TRAF6: variants seen among roughly 807,000 people sequenced by gnomAD.
TRAF6 encodes TNF receptor-associated factor 6.
TRAF6 carries 10 observed loss-of-function variants against 48.4 expected under a neutral mutation model. The observed-to-expected ratio is 0.21, with a 90% CI of 0.13 to 0.35. The LOEUF (loss-of-function observed/expected upper bound fraction) is 0.35. Ranked by LOEUF, TRAF6 falls within the 10% of genes least tolerant of loss-of-function variation. The pLI, the probability that TRAF6 is intolerant of heterozygous loss-of-function variation, is 1.00. For synonymous variants in TRAF6, 186 were observed against 219.6 expected (o/e 0.85, Z 1.35); for missense variants, 397 against 661.0 (o/e 0.60, Z 4.38).
chr11:36,486,214 A>G lies in TRAF6; in HGVS notation c.*3624T>C, dbSNP rs555590814. The stretch of plus-strand genomic sequence containing the variant: ...ATCATGACACCTGGCTAATTTTTGT[A>G]TTTTTATAGAGATGGGGTTTCACCA... On this transcript the variant is annotated 3_prime_UTR_variant, in exon 7 of 7. Transcript: ENST00000526995. 6.6e-6 allele frequency among the ~76,000 whole-genome samples: 1 copy of G among 152,114 alleles called. No homozygotes were observed. The highest frequency in any genetic ancestry group is 1.9e-4 in the East Asian group (1 of 5,172).
At chr11:36,496,930 T>G (rs1355252542) in intron 4 of TRAF6, among the ~76,000 whole-genome samples, 178 bp downstream of exon 4, 1 of 152,246 alleles carries the variant, frequency 6.6e-6, no homozygotes, top group Admixed American at 6.5e-5. Flanking sequence ...AATTCTACAC[T>G]TATGTACTAA....
chr11:36,489,721 A>G lies in TRAF6; in HGVS notation c.*117T>C. On this transcript the variant is annotated 3_prime_UTR_variant, in exon 7 of 7. Transcript: ENST00000526995. ...AATAGTAAGTGACCTCTCTAACAAC[A>G]CTCACTAGTAGATATTACATATTTC... 9.0e-7 allele frequency: 1 copy of G among 1,110,898 alleles called. No individual in the cohort carries two copies. The highest frequency in any genetic ancestry group is 1.3e-6 in the Non-Finnish European group (1 of 765,984). 68.8% of individuals were successfully genotyped at this position (1,110,898 alleles called of 1,614,324 possible).
At position 36,489,163 on chromosome 11, in the gene TRAF6, AG is replaced by A. The variant is rs1859528086; in HGVS notation, c.*674del. The A allele has an allele frequency of 6.6e-6, 1 of 152,554 alleles. No homozygotes were observed. Among genetic ancestry groups the A allele is most frequent in the East Asian group, 1.9e-4 (1 of 5,200 alleles). 9.5% of individuals were successfully genotyped at this position (152,554 alleles called of 1,614,324 possible). ...GTAACCTCAAGGAAATAAGTAAGCA[AG>A]GCAGAAGGAACACTTAAACAAGTAT... On this transcript the variant is annotated 3_prime_UTR_variant, in exon 7 of 7. Coordinates refer to ENST00000526995, the MANE Select transcript of TRAF6 (RefSeq NM_004620.4).
At chr11:36,497,628 A>G (rs1009371268) in intron 3 of TRAF6, among the ~76,000 whole-genome samples, 1 of 152,188 alleles carries the variant, frequency 6.6e-6, no homozygotes, top group African/African-American at 2.4e-5. Flanking sequence ...AATTTCAAAT[A>G]TAACACTAAA....
intron 1 of TRAF6, among the ~76,000 whole-genome samples, chr11:36,506,761 A>C (rs1310117356): frequency 6.6e-6 from 1 of 152,130 alleles, no homozygotes; most frequent in Non-Finnish European, 1.5e-5. Flanking sequence ...TTCAAAATCT[A>C]TTTGCCTTCA....
chr11:36,508,027 TG>T (rs1404686575), intron 1 of TRAF6, among the ~76,000 whole-genome samples: 2 of 151,580 alleles, frequency 1.3e-5, no homozygotes, highest in Non-Finnish European at 2.9e-5. Context: ...GGTTAATTTT[TG>T]TATTTTTTTG....
At chr11:36,491,594 C>T (rs546194720) in intron 6 of TRAF6, among the ~76,000 whole-genome samples, 8 of 152,308 alleles carry the variant, frequency 5.3e-5, no homozygotes, top group African/African-American at 1.9e-4. Context: ...AAACAATGAT[C>T]AATCTCAGAC....
Position 36,490,699 on chromosome 11 carries a change from T to C in TRAF6, c.757-49A>G. Reference sequence around the variant, plus strand: ...GGCTGGGAATAGATACCGTGAGGAGTAGGAAAAGGACCTGGCCAGGTCAAA... The same window carrying C: ...GGCTGGGAATAGATACCGTGAGGAGCAGGAAAAGGACCTGGCCAGGTCAAA... On this transcript the variant is annotated intron_variant, in intron 6 of 6. Transcript: ENST00000526995. The surrounding 1 kb of genome is among the most constrained non-coding windows in gnomAD (Gnocchi z 6.4). 2 of 1,527,160 alleles carry C rather than the reference T, an allele frequency of 1.3e-6. No homozygotes were observed. The highest frequency in any genetic ancestry group is 1.8e-6 in the Non-Finnish European group (2 of 1,129,074). The allele number at this position is 1,527,160 out of a possible 1,614,324, so 94.6% of individuals were successfully genotyped here. A position where few individuals can be genotyped will look rare whatever the true frequency, so the allele number is the denominator to read the frequency against.
At position 36,489,750 on chromosome 11, in the gene TRAF6, T is replaced by A; in HGVS notation, c.*88A>T. ...ACTAGTAGATATTACATATTTCCCG[T>A]GGCTTGTTTGTTTGCATGTTATTGA... is the stretch of plus-strand genomic sequence containing the variant. On this transcript the variant is annotated 3_prime_UTR_variant, in exon 7 of 7. Transcript: ENST00000526995. 7.5e-7 allele frequency: 1 copy of A among 1,328,686 alleles called. No homozygotes were observed. Among genetic ancestry groups the A allele is most frequent in the Middle Eastern group, 1.9e-4 (1 of 5,234 alleles). The allele number at this position is 1,328,686 out of a possible 1,614,324, so 82.3% of individuals were successfully genotyped here. A position where few individuals can be genotyped will look rare whatever the true frequency, so the allele number is the denominator to read the frequency against.
rs1859653678 is a variant in TRAF6 at position 36,497,319 on chromosome 11, A to G, written c.448-53T>C. The G allele has an allele frequency of 1.8e-5, 28 of 1,529,762 alleles. No individual in the cohort carries two copies. The South Asian group carries it at 2.2e-4, about 12-fold the overall frequency. 94.8% of individuals were successfully genotyped at this position (1,529,762 alleles called of 1,614,324 possible). A position where few individuals can be genotyped will look rare whatever the true frequency, so the allele number is the denominator to read the frequency against. ...ATTAGCCAACTCTGAAGTCTTCTAC[A>G]TATAAGCTCTCCTAATCATATACTG... is the stretch of plus-strand genomic sequence containing the variant. On this transcript the variant is annotated intron_variant, in intron 3 of 6. Coordinates refer to ENST00000526995, the MANE Select transcript of TRAF6 (RefSeq NM_004620.4).
chr11:36,505,687 C>T (rs1452184241), intron 1 of TRAF6, among the ~76,000 whole-genome samples: 1 of 152,216 alleles, frequency 6.6e-6, no homozygotes, highest in Non-Finnish European at 1.5e-5. Context: ...CCCATTTTGA[C>T]TTCTGATGTG....
intron 5 of TRAF6, among the ~76,000 whole-genome samples, chr11:36,493,142 T>C (rs1484893883): frequency 6.6e-6 from 1 of 152,220 alleles, no homozygotes; most frequent in Non-Finnish European, 1.5e-5. Context: ...GAGACTCAGA[T>C]GTTAGAAGGT....
At chr11:36,501,658 ATGT>A in intron 1 of TRAF6, 121 bp from the exon 2 acceptor site, 1 of 727,676 alleles carries the variant, frequency 1.4e-6, no homozygotes, top group Non-Finnish European at 2.0e-6. Context: ...AGCTGTATTA[ATGT>A]TATTTACAGA....
intron 1 of TRAF6, among the ~76,000 whole-genome samples, chr11:36,504,852 AAAC>A (rs1243328218): frequency 2.0e-5 from 3 of 152,204 alleles, no homozygotes; most frequent in South Asian, 4.1e-4. Flanking sequence ...GCAGGCATGA[AAAC>A]AACATTAATC....
Position 36,501,329 on chromosome 11 carries a change from G to A in TRAF6, c.187C>T (p.Pro63Ser). The change falls in exon 2 of 7, where the codon CCC (proline) becomes TCC (serine). Residue 63 changes from proline (P) to serine (S), a missense_variant. Physicochemically the swap from Pro to Ser is moderately conservative, Grantham distance 74 (BLOSUM62 -1). Coordinates refer to ENST00000526995, the MANE Select transcript of TRAF6 (RefSeq NM_004620.4). ...GGGCATTCATACTTGCTTTCCAGGG[G>A]TGGGTCAAACTCTACATCATATCCC... ...IQGYDVEFDPPLESKYECPIC... is the reference protein window; with the variant it reads ...IQGYDVEFDPSLESKYECPIC... 1.2e-6 allele frequency: 2 copies of A among 1,614,002 alleles called. No homozygotes were observed. Among genetic ancestry groups the A allele is most frequent in the East Asian group, 2.2e-5 (1 of 44,862 alleles).
intron 2 of TRAF6, among the ~76,000 whole-genome samples, chr11:36,500,184 G>A (rs1270907992): frequency 1.3e-5 from 2 of 152,170 alleles, no homozygotes; most frequent in Non-Finnish European, 2.9e-5. Context: ...AAGGCAGAAA[G>A]TGCTAAGGGA....
chr11:36,500,584 G>A (rs1859702397), intron 2 of TRAF6, among the ~76,000 whole-genome samples: 1 of 152,126 alleles, frequency 6.6e-6, no homozygotes, highest in Non-Finnish European at 1.5e-5. Flanking sequence ...ATTTTACTAG[G>A]TCCACTCCCG....
At chr11:36,493,151 G>A (rs923123528) in intron 5 of TRAF6, among the ~76,000 whole-genome samples, 5 of 152,118 alleles carry the variant, frequency 3.3e-5, no homozygotes, top group Non-Finnish European at 5.9e-5. Flanking sequence ...ATGTTAGAAG[G>A]TACTTTAAAC....
At chr11:36,502,073 G>C (rs767014288) in intron 1 of TRAF6, among the ~76,000 whole-genome samples, 1 of 152,174 alleles carries the variant, frequency 6.6e-6, no homozygotes, top group African/African-American at 2.4e-5. Flanking sequence ...TCAGTGCCAG[G>C]AAAAGCAGTA....
Sources: gnomAD v4.1 joint callset for allele counts (sites outside exome capture counted in the v4.1 genomes callset) on GRCh38, gnomAD v4.1.1 for gene constraint, Gnocchi (gnomAD v3.1) non-coding constraint, MANE v1.5 for transcripts, NCBI Gene and HGNC (gene_info 2026-07-23, HGNC 2026-07-21) for gene names.